The following TMEM201 variants were observed in gnomAD, a reference collection of about 807,000 sequenced individuals.
TMEM201 encodes the protein transmembrane protein 201.
In TMEM201, 26 loss-of-function variants were observed where a neutral mutation model predicts 63.4. The ratio of observed to expected loss-of-function variants is 0.41; its 90% CI spans 0.30 to 0.57. TMEM201 has a LOEUF of 0.57. TMEM201 is among the 20% of genes least tolerant of loss of function. TMEM201 has a pLI of 0.29. For synonymous variants in TMEM201, 417 were observed against 421.6 expected (o/e 0.99, Z 0.14); for missense variants, 794 against 917.7 (o/e 0.87, Z 1.74).
intron 1 of TMEM201, among the ~76,000 whole-genome samples, chr1:9,595,390 G>C (rs1217331501): frequency 6.6e-6 from 1 of 152,168 alleles, no homozygotes; most frequent in African/African-American, 2.4e-5. Context: ...GAGCACAGGA[G>C]GCCCCTTTCA....
At chr1:9,601,517 G>C (rs1415070763) in intron 5 of TMEM201, 63 bp downstream of exon 5, 1 of 1,477,006 alleles carries the variant, frequency 6.8e-7, no homozygotes, top group East Asian at 2.3e-5. Context: ...TTACTGTCTA[G>C]GGCGGGGGCC....
chr1:9,597,529 C>G (rs1644048741), intron 3 of TMEM201, among the ~76,000 whole-genome samples: 1 of 152,218 alleles, frequency 6.6e-6, no homozygotes, highest in Non-Finnish European at 1.5e-5. Context: ...GGAAGCTAGA[C>G]ATTGCTGAGA....
chr1:9,604,124 C>G lies in TMEM201; in HGVS notation c.1160+1852C>G. 2.0e-6 allele frequency: 2 copies of G among 985,452 alleles called. No individual in the cohort carries two copies. Among genetic ancestry groups the G allele is most frequent in the African/African-American group, 3.5e-5 (2 of 57,358 alleles). 61.0% of individuals were successfully genotyped at this position (985,452 alleles called of 1,614,324 possible). On this transcript the variant is annotated intron_variant, in intron 6 of 10. Coordinates refer to ENST00000340381, the MANE Select transcript of TMEM201 (RefSeq NM_001130924.3). This position sits in a 1 kb window ranked among gnomAD's most constrained non-coding sequence, Gnocchi z 4.1. ...GAAAGCGTCCTGTCGGCTGGCCATG[C>G]TGTTGCTTGCGTCTCGAATCTTCGG... is the stretch of plus-strand genomic sequence containing the variant.
chr1:9,598,381 C>A, intron 3 of TMEM201, 68 bp from the exon 4 acceptor site: 1 of 1,555,650 alleles, frequency 6.4e-7, no homozygotes. Flanking sequence ...GATTCCACGT[C>A]TGACCTGTAA....
At chr1:9,591,274 A>G (rs1643914324) in intron 1 of TMEM201, among the ~76,000 whole-genome samples, 1 of 152,238 alleles carries the variant, frequency 6.6e-6, no homozygotes, top group African/African-American at 2.4e-5. Context: ...ACAGATGAGG[A>G]AACCAAAGCT....
chr1:9,594,894 T>C (rs527998050), intron 1 of TMEM201, among the ~76,000 whole-genome samples: 9 of 152,340 alleles, frequency 5.9e-5, no homozygotes, highest in African/African-American at 2.2e-4. Flanking sequence ...CGCCTCAGGA[T>C]GAAAGGCCAG....
At chr1:9,597,509 G>GGGA (rs555141287) in intron 3 of TMEM201, among the ~76,000 whole-genome samples, 2 of 152,328 alleles carry the variant, frequency 1.3e-5, no homozygotes, top group African/African-American at 4.8e-5. Flanking sequence ...ACTGGCTTCT[G>GGGA]GGAGGAGGAG....
chr1:9,597,031 C>G lies in TMEM201; in HGVS notation c.407C>G (p.Ala136Gly), dbSNP rs1215105706. 1 of 1,608,164 alleles carries G rather than the reference C, an allele frequency of 6.2e-7. No individual in the cohort carries two copies. The highest frequency in any genetic ancestry group is 1.1e-5 in the South Asian group (1 of 90,880). Residue 136 changes from alanine to glycine, a missense_variant, in exon 3 of 11, where the codon GCC becomes GGC. Transcript: ENST00000340381. ...HHQTTKIKQL[A>G]AFAPREEGRY... ...CAGACCACCAAGATCAAGCAGCTGGCCGCCTTCGCTCCCCGCGAGGAGGTG... is the reference window on the plus strand; with the variant it reads ...CAGACCACCAAGATCAAGCAGCTGGGCGCCTTCGCTCCCCGCGAGGAGGTG...
At chr1:9,611,519 G>A (rs762226928) in intron 9 of TMEM201, among the ~76,000 whole-genome samples, 2 of 152,138 alleles carry the variant, frequency 1.3e-5, no homozygotes, top group African/African-American at 2.4e-5. Context: ...GATTTCCCAC[G>A]TCTCTTTCAA....
chr1:9,601,527 C>A, intron 5 of TMEM201, 73 bp downstream of exon 5: 1 of 1,391,988 alleles, frequency 7.2e-7, no homozygotes, highest in Non-Finnish European at 9.7e-7. Flanking sequence ...GGGCGGGGGC[C>A]AAGAGACCCC....
In TMEM201 at chr1:9,603,723, C is replaced by T. The variant is rs1569944571; in HGVS notation, c.1160+1451C>T. On this transcript the variant is annotated intron_variant, in intron 6 of 10. Coordinates refer to ENST00000340381, the MANE Select transcript of TMEM201 (RefSeq NM_001130924.3). The surrounding 1 kb of genome is among the most constrained non-coding windows in gnomAD (Gnocchi z 4.5). ...CCACGCCTGGGGGTCCTAGAGGCTGCCCCACCCCAGTGATTGGGTAGCAGC... is the reference window on the plus strand; with the variant it reads ...CCACGCCTGGGGGTCCTAGAGGCTGTCCCACCCCAGTGATTGGGTAGCAGC... 1.0e-6 allele frequency: 1 copy of T among 985,424 alleles called. No individual in the cohort carries two copies. The highest frequency in any genetic ancestry group is 1.2e-6 in the Non-Finnish European group (1 of 829,916). The allele number at this position is 985,424 out of a possible 1,614,324, so 61.0% of individuals were successfully genotyped here.
Position 9,613,040 on chromosome 1 carries a change from A to G in TMEM201, c.1958A>G (p.Asn653Ser), listed in dbSNP as rs1275715948. The G allele has an allele frequency of 3.9e-6, 6 of 1,551,308 alleles. No individual in the cohort carries two copies. The highest frequency in any genetic ancestry group is 5.2e-6 in the Non-Finnish European group (6 of 1,147,006). ...RGLLAVSLAA[N>S]ALFTSVFLYQ... ...CTCCTGGCCGTGAGCTTGGCCGCCA[A>G]CGCCCTGTTCACCTCGGTGTTTCTG... Residue 653 changes from asparagine to serine, a missense_variant, in exon 11 of 11, where the codon AAC (asparagine) becomes AGC (serine). Asn to Ser is a conservative substitution (Grantham distance 46, BLOSUM62 1). Coordinates refer to ENST00000340381, the MANE Select transcript of TMEM201 (RefSeq NM_001130924.3).
rs916100569 is a variant in TMEM201 at position 9,608,980 on chromosome 1, A to C, written c.1394-860A>C. On this transcript the variant is annotated intron_variant, in intron 7 of 10. Coordinates refer to ENST00000340381, the MANE Select transcript of TMEM201 (RefSeq NM_001130924.3). The surrounding 1 kb of genome is among the most constrained non-coding windows in gnomAD (Gnocchi z 4.3). ...AGGAGTTCCTGCAGGGCTTTGGCTC[A>C]TGTATTCAGAGACGCGCTGGACCGG... 2.6e-5 allele frequency among the ~76,000 whole-genome samples: 4 copies of C among 152,192 alleles called. No homozygotes were observed. The highest frequency in any genetic ancestry group is 5.9e-5 in the Non-Finnish European group (4 of 68,022).
chr1:9,602,013 C>T (rs1023776995), intron 5 of TMEM201, 56 bp from the exon 6 acceptor site: 164 of 1,571,268 alleles, frequency 1.0e-4, no homozygotes, highest in Non-Finnish European at 8.3e-5. Flanking sequence ...GGAAGGAAGG[C>T]GTGGACCCAG....
Position 9,603,110 on chromosome 1 carries a change from G to T in TMEM201, c.1160+838G>T. The T allele has an allele frequency of 2.0e-6, 2 of 985,506 alleles. No individual in the cohort carries two copies. Among genetic ancestry groups the T allele is most frequent in the Non-Finnish European group, 2.4e-6 (2 of 830,008 alleles). 61.0% of individuals were successfully genotyped at this position (985,506 alleles called of 1,614,324 possible). ...AGGCCTTCAGTGACATCAGGTCGTT[G>T]TCATCCTTTCCCTCCCTGACCTGTC... On this transcript the variant is annotated intron_variant, in intron 6 of 10. Coordinates refer to ENST00000340381, the MANE Select transcript of TMEM201 (RefSeq NM_001130924.3). This position sits in a 1 kb window ranked among gnomAD's most constrained non-coding sequence, Gnocchi z 4.5.
At chr1:9,611,215 C>G (rs75824461) in intron 9 of TMEM201, 1 of 397,190 alleles carries the variant, frequency 2.5e-6, no homozygotes, top group Non-Finnish European at 4.2e-6. Flanking sequence ...TTTTTTTTTT[C>G]GAGATGCAGT....
Position 9,611,959 on chromosome 1 carries a change from G to T in TMEM201, c.1903+69G>T. On this transcript the variant is annotated intron_variant, in intron 10 of 10. Transcript: ENST00000340381. Reference sequence around the variant, plus strand: ...CCGAAGCCACCATCTCCCCCAGGGGGGTCCAGAGCACTGACAGAAAGAATC... The same window carrying T: ...CCGAAGCCACCATCTCCCCCAGGGGTGTCCAGAGCACTGACAGAAAGAATC... 4.1e-6 allele frequency: 6 copies of T among 1,451,652 alleles called. No homozygotes were observed. In the African/African-American group the frequency reaches 4.3e-5, roughly 10 times the overall value. 89.9% of individuals were successfully genotyped at this position (1,451,652 alleles called of 1,614,324 possible). A position where few individuals can be genotyped will look rare whatever the true frequency, so the allele number is the denominator to read the frequency against.
intron 10 of TMEM201, 66 bp downstream of exon 10, chr1:9,611,956 G>A: frequency 1.4e-6 from 2 of 1,465,932 alleles, no homozygotes; most frequent in South Asian, 2.8e-5. Flanking sequence ...TCTCCCCCAG[G>A]GGGGTCCAGA....
chr1:9,610,681 T>C lies in TMEM201; in HGVS notation c.1641T>C (p.Pro547=). 6.4e-7 allele frequency: 1 copy of C among 1,550,516 alleles called. No homozygotes were observed. The part of the protein sequence containing the change: ...GQKLLLFPSP[P]GEAPTTPSSS... The stretch of plus-strand genomic sequence containing the variant: ...AGCTGCTGCTGTTCCCGTCACCCCC[T>C]GGAGAGGCCCCCACCACGCCCAGCA... Residue 547 remains proline (P), a synonymous_variant, in exon 9 of 11, where the codon CCT becomes CCC. Coordinates refer to ENST00000340381, the MANE Select transcript of TMEM201 (RefSeq NM_001130924.3). The surrounding 1 kb of genome is among the most constrained non-coding windows in gnomAD (Gnocchi z 4.9).
Sources: allele counts gnomAD v4.1 joint callset (sites outside exome capture counted in the v4.1 genomes callset), GRCh38; gene constraint gnomAD v4.1.1; non-coding constraint Gnocchi (gnomAD v3.1); transcripts MANE v1.5; gene names NCBI Gene and HGNC (gene_info 2026-07-23, HGNC 2026-07-21).